MAP4: variants seen among roughly 807,000 people sequenced by gnomAD.
MAP4 encodes the protein microtubule-associated protein 4.
Under a neutral mutation model 170.2 loss-of-function variants are expected in MAP4, and 76 were observed. That is an observed-to-expected ratio of 0.45 (90% CI 0.37 to 0.54). The LOEUF is 0.54. Among genes scored for constraint, MAP4 ranks in the 20% least tolerant of loss-of-function variants. MAP4 has a pLI of 0.00. For synonymous variants in MAP4, 909 were observed against 994.5 expected (o/e 0.91, Z 1.62); for missense variants, 2,506 against 2,748.0 (o/e 0.91, Z 1.97).
At chr3:48,002,928 C>T (rs374285126) in intron 1 of MAP4, among the ~76,000 whole-genome samples, 2 of 149,980 alleles carry the variant, frequency 1.3e-5, no homozygotes, top group East Asian at 2.0e-4. Context: ...AAATAAATCA[C>T]ACTCTGGCTG....
chr3:48,058,937 G>A (rs1411203406), intron 1 of MAP4, among the ~76,000 whole-genome samples: 3 of 151,898 alleles, frequency 2.0e-5, no homozygotes, highest in Admixed American at 6.6e-5. Context: ...GCACCACCAC[G>A]CCCGGCTAAT....
At position 48,057,610 on chromosome 3, in the gene MAP4, AAAAT is replaced by A. The variant is rs138347920; in HGVS notation, c.-20+31159_-20+31162del. ...GAAACACCCAAGAATTATCAATAAA[AAAAT>A]AAATAAATAAATAAATAAAAAAGAA... On this transcript the variant is annotated intron_variant, in intron 1 of 18. Transcript: ENST00000360240. 3.8e-3 allele frequency among the ~76,000 whole-genome samples: 489 copies of A among 127,140 alleles called. 2 individuals are homozygous for A. Among genetic ancestry groups the A allele is most frequent in the African/African-American group, 0.012 (411 of 35,006 alleles). 83.4% of individuals were successfully genotyped at this position (127,140 alleles called of 152,430 possible).
At chr3:47,976,511 A>G (rs1452478788) in intron 3 of MAP4, among the ~76,000 whole-genome samples, 1 of 152,226 alleles carries the variant, frequency 6.6e-6, no homozygotes, top group Non-Finnish European at 1.5e-5. Context: ...CTGCTTAAAG[A>G]AAGCTGAATT....
chr3:47,874,980 C>G (rs1199694279), intron 12 of MAP4, among the ~76,000 whole-genome samples: 1 of 152,204 alleles, frequency 6.6e-6, no homozygotes, highest in Admixed American at 6.5e-5. Context: ...CTCCACTATC[C>G]TCTCCTCCTG....
At chr3:48,027,303 T>C (rs2100113610) in intron 1 of MAP4, among the ~76,000 whole-genome samples, 1 of 152,196 alleles carries the variant, frequency 6.6e-6, no homozygotes, top group African/African-American at 2.4e-5. Context: ...GTGGTTTCCC[T>C]TTGCCAAAAG....
chr3:47,982,510 G>A (rs2100086000), intron 2 of MAP4, among the ~76,000 whole-genome samples: 1 of 152,082 alleles, frequency 6.6e-6, no homozygotes, highest in Non-Finnish European at 1.5e-5. Context: ...GCAGAATGAG[G>A]TAACTTATTT....
At chr3:48,013,343 T>G (rs1009095343) in intron 1 of MAP4, 1 of 152,108 alleles carries the variant, frequency 6.6e-6, no homozygotes, top group Non-Finnish European at 1.5e-5. Flanking sequence ...CCATTTATAC[T>G]ATTCCTCTTC....
At chr3:48,038,181 A>G (rs913233222) in intron 1 of MAP4, among the ~76,000 whole-genome samples, 2 of 151,660 alleles carry the variant, frequency 1.3e-5, no homozygotes, top group Non-Finnish European at 2.9e-5. Context: ...AAAAAGAAAA[A>G]AAAAAAAAAA....
In MAP4 at chr3:47,916,984, G is replaced by C; in HGVS notation, c.843C>G (p.Pro281=). Residue 281 remains proline, a synonymous_variant, in exon 7 of 21, where the codon CCC becomes CCG. Transcript: ENST00000683076. ...TGGCCAGTGTCACATCTAATTTGGT[G>C]GGTGATTCCATATCTTTAGCCAATG... is the stretch of plus-strand genomic sequence containing the variant. ...EVALAKDMES[P]TKLDVTLAKD... The C allele has an allele frequency of 6.2e-7, 1 of 1,614,178 alleles. No individual in the cohort carries two copies. The highest frequency in any genetic ancestry group is 2.2e-5 in the East Asian group (1 of 44,882).
At chr3:47,854,638 G>C (rs1295095063) in intron 19 of MAP4, among the ~76,000 whole-genome samples, 3 of 152,372 alleles carry the variant, frequency 2.0e-5, no homozygotes, top group Admixed American at 1.3e-4. Context: ...AGGAGGAAGG[G>C]AGGAAAGAGG....
chr3:47,859,452 C>T (rs891701470), intron 17 of MAP4, among the ~76,000 whole-genome samples: 4 of 152,334 alleles, frequency 2.6e-5, no homozygotes, highest in Middle Eastern at 3.4e-3. Context: ...AGGCCTGGCA[C>T]AGAATAACTA....
At chr3:47,987,002 A>G (rs545859051) in intron 2 of MAP4, among the ~76,000 whole-genome samples, 80 of 152,352 alleles carry the variant, frequency 5.3e-4, no homozygotes, top group African/African-American at 1.9e-3. Flanking sequence ...CAATGATTAC[A>G]CATCTATCAT....
upstream of MAP4, among the ~76,000 whole-genome samples, chr3:48,019,522 A>G (rs1238370721): frequency 6.6e-6 from 1 of 152,130 alleles, no homozygotes; most frequent in Non-Finnish European, 1.5e-5. Context: ...TGCTGAGGAG[A>G]TTGGAAGAAA....
rs2100130673 is a variant in MAP4 at position 48,055,593 on chromosome 3, G to C, written c.-20+33180C>G. 2.2e-5 allele frequency among the ~76,000 whole-genome samples: 3 copies of C among 135,932 alleles called. No homozygotes were observed. The South Asian group carries it at 8.3e-4, about 38-fold the overall frequency. 89.2% of individuals were successfully genotyped at this position (135,932 alleles called of 152,430 possible). ...CAGCCGCCTGCCTTGGCCTCCCAAA[G>C]TGCCGAGATTGCAGCCTCTGCCCGG... is the stretch of plus-strand genomic sequence containing the variant. On this transcript the variant is annotated intron_variant, in intron 1 of 18. Transcript: ENST00000360240.
At chr3:48,051,412 AC>A (rs2100127789) in intron 1 of MAP4, among the ~76,000 whole-genome samples, 1 of 151,810 alleles carries the variant, frequency 6.6e-6, no homozygotes, top group African/African-American at 2.4e-5. Flanking sequence ...AAAAAATTAA[AC>A]ACACACACTC....
At chr3:47,880,078 A>C (rs1170095598) in intron 10 of MAP4, among the ~76,000 whole-genome samples, 1 of 151,944 alleles carries the variant, frequency 6.6e-6, no homozygotes, top group Non-Finnish European at 1.5e-5. Context: ...CTGTGTTTAC[A>C]ATTTATTTTC....
At chr3:48,026,659 T>TA (rs2100113261) in intron 1 of MAP4, among the ~76,000 whole-genome samples, 1 of 152,200 alleles carries the variant, frequency 6.6e-6, no homozygotes, top group Non-Finnish European at 1.5e-5. Context: ...CTCAAATTAA[T>TA]AAAAGACTAA....
At chr3:47,879,166 G>A (rs917891288) in intron 10 of MAP4, among the ~76,000 whole-genome samples, 1 of 151,746 alleles carries the variant, frequency 6.6e-6, no homozygotes, top group Non-Finnish European at 1.5e-5. Context: ...AAATATCAAT[G>A]TAATCTCTGA....
chr3:47,947,703 C>T (rs1263211005), intron 3 of MAP4, among the ~76,000 whole-genome samples: 3 of 149,696 alleles, frequency 2.0e-5, no homozygotes, highest in East Asian at 2.0e-4. Context: ...CCCAGTTACT[C>T]GGGAGGCTGA....
Sources: gnomAD v4.1 joint callset for allele counts (sites outside exome capture counted in the v4.1 genomes callset) on GRCh38, gnomAD v4.1.1 for gene constraint, MANE v1.5 for transcripts, NCBI Gene and HGNC (gene_info 2026-07-23, HGNC 2026-07-21) for gene names.